Variants in NAV2 observed in about 807,000 individuals in gnomAD.
The protein encoded by NAV2 is helicase, APC down-regulated 1.
A neutral mutation model predicts 223.2 loss-of-function variants in NAV2; 54 were observed. The ratio of observed to expected loss-of-function variants is 0.24; its 90% CI spans 0.19 to 0.30. The LOEUF is 0.30. Ranked by LOEUF, NAV2 falls within the 10% of genes least tolerant of loss-of-function variation. The pLI is 1.00. For synonymous variants in NAV2, 1,279 were observed against 1,239.3 expected, an observed-to-expected ratio of 1.03 and a Z score of -0.67; for missense variants, 2,806 against 3,147.5, an observed-to-expected ratio of 0.89 and a Z score of 2.60.
chr11:19,446,317 T>C (rs2133747696), intron 1 of NAV2, among the ~76,000 whole-genome samples: 1 of 152,284 alleles, frequency 6.6e-6, no homozygotes, highest in East Asian at 1.9e-4. Flanking sequence ...GATGCCTCCA[T>C]GTTTTTAAGG....
At chr11:19,582,500 C>T (rs1200510229) in intron 1 of NAV2, among the ~76,000 whole-genome samples, 12 of 152,162 alleles carry the variant, frequency 7.9e-5, no homozygotes, top group African/African-American at 2.4e-4. Context: ...TGGTTTTAGG[C>T]CTAACATTTA....
intron 1 of NAV2, among the ~76,000 whole-genome samples, chr11:19,805,365 C>T (rs187145660): frequency 6.6e-6 from 1 of 152,260 alleles, no homozygotes; most frequent in East Asian, 1.9e-4. Context: ...TCCTCTAAGA[C>T]CTACTCTCCA....
chr11:19,596,838 G>A (rs2135199726), intron 1 of NAV2, among the ~76,000 whole-genome samples: 1 of 152,332 alleles, frequency 6.6e-6, no homozygotes, highest in South Asian at 2.1e-4. Flanking sequence ...ACCAAGCCCT[G>A]GGCTAAACAC....
intron 1 of NAV2, among the ~76,000 whole-genome samples, chr11:19,544,294 T>C (rs1233353615): frequency 6.6e-6 from 1 of 152,170 alleles, no homozygotes; most frequent in African/African-American, 2.4e-5. Flanking sequence ...TATCAGTCTT[T>C]CCAATACCAG....
intron 1 of NAV2, among the ~76,000 whole-genome samples, chr11:19,537,106 G>C (rs558828181): frequency 6.3e-4 from 96 of 152,248 alleles, no homozygotes; most frequent in African/African-American, 2.2e-3. Flanking sequence ...TTATAAAAAG[G>C]GTCCCTGGGG....
At chr11:20,073,745 G>A (rs1175600757) in intron 22 of NAV2, among the ~76,000 whole-genome samples, 1 of 150,944 alleles carries the variant, frequency 6.6e-6, no homozygotes, top group Non-Finnish European at 1.5e-5. Context: ...AGTATTCTCT[G>A]ATGGTAGTTT....
intron 1 of NAV2, among the ~76,000 whole-genome samples, chr11:19,431,197 T>C (rs1478703150): frequency 2.0e-5 from 3 of 152,142 alleles, no homozygotes; most frequent in African/African-American, 7.2e-5. Context: ...CTTCAAGCTG[T>C]GCTGAGTTGC....
upstream of NAV2, chr11:19,712,438 G>A (rs1023401798): frequency 6.6e-6 from 1 of 152,248 alleles, no homozygotes; most frequent in Non-Finnish European, 1.5e-5. Flanking sequence ...CAAGCCAGAT[G>A]GGGGCAGCGA....
At chr11:20,028,452 G>A (rs1440592355) in intron 11 of NAV2, among the ~76,000 whole-genome samples, 1 of 152,184 alleles carries the variant, frequency 6.6e-6, no homozygotes, top group African/African-American at 2.4e-5. Flanking sequence ...CCTTGATTCT[G>A]GTTAAAATGC....
intron 1 of NAV2, among the ~76,000 whole-genome samples, chr11:19,690,934 A>G (rs1478080315): frequency 6.6e-6 from 1 of 152,222 alleles, no homozygotes; most frequent in Non-Finnish European, 1.5e-5. Flanking sequence ...TTCTCTTTCA[A>G]AGTCTTTTCT....
intron 1 of NAV2, among the ~76,000 whole-genome samples, chr11:19,611,186 T>C (rs2046632053): frequency 1.3e-5 from 2 of 151,170 alleles, no homozygotes; most frequent in South Asian, 4.2e-4. Flanking sequence ...TTCACTATCA[T>C]GAGAATAGCA....
At chr11:19,931,609 A>AAAAAAAAAAAAAAAAAAAAAAAAAAAAG (rs10692495) in intron 6 of NAV2, among the ~76,000 whole-genome samples, 1 of 137,306 alleles carries the variant, frequency 7.3e-6, no homozygotes. Context: ...AAAAAAAAAA[A>AAAAAAAAAAAAAAAAAAAAAAAAAAAAG]GCAGAAGAAG....
chr11:20,107,982 C>A lies in NAV2; in HGVS notation c.6960+200C>A, dbSNP rs555769920. Reference sequence around the variant, plus strand: ...TCTTCCACCCATTAGCATTGTGACCCCAGGCCAGCTGGTTAGCCTTTCTGT... The same window carrying A: ...TCTTCCACCCATTAGCATTGTGACCACAGGCCAGCTGGTTAGCCTTTCTGT... On this transcript the variant is annotated intron_variant, in intron 36 of 37. Coordinates refer to ENST00000349880, the MANE Select transcript of NAV2 (RefSeq NM_145117.5). Among the ~76,000 whole-genome samples, 33 of 152,216 alleles carry A rather than the reference C, an allele frequency of 2.2e-4. No individual in the cohort carries two copies. The South Asian group carries it at 6.7e-3, about 31-fold the overall frequency.
chr11:19,378,916 T>C (rs1319699789), intron 1 of NAV2, among the ~76,000 whole-genome samples: 1 of 152,104 alleles, frequency 6.6e-6, no homozygotes, highest in Non-Finnish European at 1.5e-5. Flanking sequence ...GTGCTGGGCA[T>C]GTGGAGAAAT....
intron 1 of NAV2, among the ~76,000 whole-genome samples, chr11:19,675,862 A>G (rs1421651907): frequency 6.6e-6 from 1 of 152,224 alleles, no homozygotes; most frequent in Non-Finnish European, 1.5e-5. Flanking sequence ...TAATAATATC[A>G]ATCGCAAGAA....
At chr11:19,956,864 T>G (rs192659779) in intron 10 of NAV2, among the ~76,000 whole-genome samples, 20 of 152,292 alleles carry the variant, frequency 1.3e-4, no homozygotes, top group African/African-American at 4.1e-4. Context: ...AGGGCAGGAA[T>G]GAAAGTTCCA....
intron 1 of NAV2, among the ~76,000 whole-genome samples, chr11:19,466,984 TACACACAC>T (rs3042688): frequency 5.6e-5 from 7 of 125,202 alleles, no homozygotes; most frequent in African/African-American, 1.8e-4. Flanking sequence ...TCTCTCTCTC[TACACACAC>T]ACACACACAC....
chr11:19,476,106 C>G (rs1437049574), intron 1 of NAV2, among the ~76,000 whole-genome samples: 2 of 152,188 alleles, frequency 1.3e-5, no homozygotes, highest in African/African-American at 4.8e-5. Context: ...TCCCGAGTAG[C>G]TGGGACTACA....
At chr11:19,632,975 G>A (rs969501332) in intron 1 of NAV2, among the ~76,000 whole-genome samples, 2 of 152,218 alleles carry the variant, frequency 1.3e-5, no homozygotes, top group African/African-American at 4.8e-5. Flanking sequence ...CACACAGCTA[G>A]TCAGGGTGGA....
Sources: allele counts gnomAD v4.1 joint callset (sites outside exome capture counted in the v4.1 genomes callset), GRCh38; gene constraint gnomAD v4.1.1; transcripts MANE v1.5; gene names NCBI Gene and HGNC (gene_info 2026-07-23, HGNC 2026-07-21).